The following DNAH10 variants were observed in gnomAD, a reference collection of about 807,000 sequenced individuals.
The protein encoded by DNAH10 is axonemal beta dynein heavy chain 10.
A neutral mutation model predicts 506.6 loss-of-function variants in DNAH10; 348 were observed. That is an observed-to-expected ratio of 0.69 (90% CI 0.63 to 0.75). The LOEUF is 0.75. DNAH10 is among the 30% of genes least tolerant of loss of function. The probability of loss-of-function intolerance (pLI) is 0.00; values close to 1 mark genes in which losing one functional copy is unlikely to be tolerated. For missense variants in DNAH10, 5,179 were observed against 5,787.1 expected, an observed-to-expected ratio of 0.89 and a Z score of 3.41; for synonymous variants, 2,059 against 2,198.6, an observed-to-expected ratio of 0.94 and a Z score of 1.78.
chr12:123,816,086 T>G (rs1041174372), intron 21 of DNAH10, among the ~76,000 whole-genome samples: 4 of 152,194 alleles, frequency 2.6e-5, no homozygotes, highest in African/African-American at 4.8e-5. Context: ...TTCAAAACAC[T>G]TGTAATTTCC....
At chr12:123,867,847 T>C (rs760828337) in intron 42 of DNAH10, 56 bp from the exon 43 acceptor site, 1 of 1,541,626 alleles carries the variant, frequency 6.5e-7, no homozygotes. Flanking sequence ...ATGACTGGAA[T>C]GGACTCTGTG....
chr12:123,887,094 G>T, intron 51 of DNAH10, 48 bp from the exon 52 acceptor site: 1 of 1,543,250 alleles, frequency 6.5e-7, no homozygotes, highest in East Asian at 2.4e-5. Flanking sequence ...CCGCAGGGAA[G>T]GGAGGCTGGT....
At position 123,789,979 on chromosome 12, in the gene DNAH10, G is replaced by T; in HGVS notation, c.1673G>T (p.Gly558Val). The T allele has an allele frequency of 6.2e-7, 1 of 1,614,018 alleles. No individual in the cohort carries two copies. Among genetic ancestry groups the T allele is most frequent in the Non-Finnish European group, 8.5e-7 (1 of 1,179,976 alleles). Residue 558 changes from glycine to valine, a missense_variant, in exon 11 of 79, where the codon GGG becomes GTG. By Grantham distance (109) the Gly-to-Val change is moderately radical. Around this residue, in one of 3 missense-constraint regions of DNAH10, gnomAD observed 4,844 missense variants for 5,430.5 expected, o/e 0.89. Transcript: ENST00000673944. ...IFGPELKAVT[G>V]DPKRIDDVLC... ...GGTCCAGAACTAAAGGCAGTGACGG[G>T]GGACCCCAAGCGCATTGATGATGTC...
intron 51 of DNAH10, 22 bp from the exon 52 acceptor site, chr12:123,887,120 G>C: frequency 6.3e-7 from 1 of 1,586,438 alleles, no homozygotes; most frequent in East Asian, 2.3e-5. Flanking sequence ...TGACGCCCAT[G>C]TGCTCTGTGT....
chr12:123,813,382 C>G lies in DNAH10; in HGVS notation c.3363C>G (p.Asp1121Glu), dbSNP rs1157197879. 1.2e-6 allele frequency: 2 copies of G among 1,614,188 alleles called. No homozygotes were observed. Residue 1121 changes from aspartate (D) to glutamate (E), a missense_variant, in exon 20 of 79, where the codon GAC becomes GAG. Around this residue, in one of 3 missense-constraint regions of DNAH10, gnomAD observed 4,844 missense variants for 5,430.5 expected, o/e 0.89. Transcript: ENST00000673944. ...WKRYRPLWKL[D>E]KAIVMEKFAA... ...GGTATCGACCTCTCTGGAAATTGGA[C>G]AAAGCTATTGTGATGGAGAAATTTG...
intron 36 of DNAH10, among the ~76,000 whole-genome samples, chr12:123,856,087 A>C (rs1229149581): frequency 6.8e-6 from 1 of 147,602 alleles, no homozygotes; most frequent in South Asian, 2.1e-4. Flanking sequence ...TATCTTATAC[A>C]TATTTTATAC....
At chr12:123,781,005 A>AACCAG in intron 5 of DNAH10, 75 bp from the exon 6 acceptor site, 2 of 1,226,442 alleles carry the variant, frequency 1.6e-6, no homozygotes, top group Non-Finnish European at 2.3e-6. Context: ...GAATATTCAA[A>AACCAG]ACCAGAGGCA....
chr12:123,908,731 A>G (rs1594347574), intron 57 of DNAH10, among the ~76,000 whole-genome samples: 1 of 152,350 alleles, frequency 6.6e-6, no homozygotes, highest in East Asian at 1.9e-4. Context: ...ACGGGGCAAC[A>G]TAGCCTGGAA....
chr12:123,835,537 C>T lies in DNAH10; in HGVS notation c.4902+9C>T. 1 of 1,604,318 alleles carries T rather than the reference C, an allele frequency of 6.2e-7. No individual in the cohort carries two copies. Among genetic ancestry groups the T allele is most frequent in the Non-Finnish European group, 8.5e-7 (1 of 1,175,326 alleles). ...ATAAAGTATTTAAAAGGGCAAGTGA[C>T]TCGCTTCTATTTTAGTAATGAAAGA... On this transcript the variant is annotated intron_variant, in intron 28 of 78. Transcript: ENST00000673944.
At chr12:123,822,200 C>G (rs775825589) in intron 24 of DNAH10, among the ~76,000 whole-genome samples, 1 of 152,128 alleles carries the variant, frequency 6.6e-6, no homozygotes, top group African/African-American at 2.4e-5. Context: ...GAGTGAGACT[C>G]TGTCTCAAAA....
At chr12:123,847,391 CAT>C (rs71444922) in intron 32 of DNAH10, among the ~76,000 whole-genome samples, 26,861 of 151,760 alleles carry the variant, frequency 0.18, 3,074 homozygotes, top group Non-Finnish European at 0.26. Context: ...GGTATTGACT[CAT>C]GTGATGATAG....
intron 53 of DNAH10, among the ~76,000 whole-genome samples, chr12:123,893,908 GCA>G (rs1385528528): frequency 1.3e-5 from 2 of 152,104 alleles, no homozygotes; most frequent in Admixed American, 6.6e-5. Context: ...ATCCTACAGT[GCA>G]CAGCCAGCTG....
intron 3 of DNAH10, among the ~76,000 whole-genome samples, chr12:123,772,581 A>G (rs1258128082): frequency 2.0e-5 from 3 of 152,134 alleles, no homozygotes; most frequent in African/African-American, 7.2e-5. Context: ...CTCCATCTGG[A>G]CCTTTGCCAG....
At position 123,814,913 on chromosome 12, in the gene DNAH10, G is replaced by C. The variant is rs187957112; in HGVS notation, c.3780+1001G>C. On this transcript the variant is annotated intron_variant, in intron 21 of 78. Coordinates refer to ENST00000673944, the MANE Select transcript of DNAH10 (RefSeq NM_001372106.1). ...ATTACAGGCATGAGCCACCGCGCCC[G>C]GCCTAGCCAGGTAGATTTTTGTCAG... is the stretch of plus-strand genomic sequence containing the variant. Among the ~76,000 whole-genome samples, 17 of 152,248 alleles carry C rather than the reference G, an allele frequency of 1.1e-4. No homozygotes were observed. The Middle Eastern group carries it at 0.017, about 152-fold the overall frequency.
Position 123,907,011 on chromosome 12 carries a change from G to A in DNAH10, c.9816-2250G>A, listed in dbSNP as rs368927689. ...CCTTTCATTCATTCAGTAGTCAGTG[G>A]GTGTCTGTCCCCCACCCCACCCCTG... On this transcript the variant is annotated intron_variant, in intron 57 of 78. Coordinates refer to ENST00000673944, the MANE Select transcript of DNAH10 (RefSeq NM_001372106.1). The surrounding 1 kb of genome is among the most constrained non-coding windows in gnomAD (Gnocchi z 4.4). Among the ~76,000 whole-genome samples the A allele has an allele frequency of 3.3e-5, 5 of 152,202 alleles. No homozygotes were observed. Among genetic ancestry groups the A allele is most frequent in the African/African-American group, 1.2e-4 (5 of 41,446 alleles).
At position 123,928,533 on chromosome 12, in the gene DNAH10, C is replaced by T. The variant is rs1566118225; in HGVS notation, c.12252C>T (p.Leu4084=). Reference sequence around the variant, plus strand: ...CCCACCCAGACTTCCGCCTGTGGCTCACCACGGACCCCACCAAGGGCTTCC... The same window carrying T: ...CCCACCCAGACTTCCGCCTGTGGCTTACCACGGACCCCACCAAGGGCTTCC... ...TKPHPDFRLW[L]TTDPTKGFPI... Residue 4084 remains leucine (L), a synonymous_variant, in exon 70 of 79, where the codon CTC becomes CTT. Coordinates refer to ENST00000673944, the MANE Select transcript of DNAH10 (RefSeq NM_001372106.1). This position sits in a 1 kb window ranked among gnomAD's most constrained non-coding sequence, Gnocchi z 4.9. The T allele has an allele frequency of 1.9e-6, 3 of 1,611,068 alleles. No individual in the cohort carries two copies. The East Asian group carries it at 6.7e-5, about 36-fold the overall frequency.
rs573912158 is a variant in DNAH10, at chr12:123,868,946, G to A, written c.7519+827G>A. On this transcript the variant is annotated intron_variant, in intron 43 of 78. Transcript: ENST00000673944. ...GCTCCGCCAGCCACGCTGGCTGTGC[G>A]TTGCTGCCATCTGCAATTCCCTCAC... 9.3e-4 allele frequency among the ~76,000 whole-genome samples: 142 copies of A among 152,306 alleles called. 1 individual carries two copies. Among genetic ancestry groups the A allele is most frequent in the African/African-American group, 3.3e-3 (139 of 41,578 alleles).
In DNAH10 at chr12:123,841,528, C is replaced by T; in HGVS notation, c.5343C>T (p.Tyr1781=). ...RLITKEAIFR[Y]CEDRSRVDWM... ...TTACCAAAGAGGCTATTTTTAGATA[C>T]TGTGAAGACAGAAGCAGGTAAGGCT... The change falls in exon 30 of 79, where the codon TAC becomes TAT. Residue 1781 remains tyrosine, a synonymous_variant. Coordinates refer to ENST00000673944, the MANE Select transcript of DNAH10 (RefSeq NM_001372106.1). 1 of 1,613,842 alleles carries T rather than the reference C, an allele frequency of 6.2e-7. No individual in the cohort carries two copies. The highest frequency in any genetic ancestry group is 8.5e-7 in the Non-Finnish European group (1 of 1,179,852).
At chr12:123,811,384 G>A (rs1175344671) in intron 19 of DNAH10, among the ~76,000 whole-genome samples, 1 of 149,722 alleles carries the variant, frequency 6.7e-6, no homozygotes, top group Non-Finnish European at 1.5e-5. Flanking sequence ...GTGCAGTGTT[G>A]TGATCTCAGC....
Sources: allele counts gnomAD v4.1 joint callset (sites outside exome capture counted in the v4.1 genomes callset), GRCh38; gene constraint gnomAD v4.1.1; regional missense constraint gnomAD v4.1.1; non-coding constraint Gnocchi (gnomAD v3.1); transcripts MANE v1.5; gene names NCBI Gene and HGNC (gene_info 2026-07-23, HGNC 2026-07-21).